RICTOR: variants seen among roughly 807,000 people sequenced by gnomAD.
RICTOR encodes the protein rapamycin-insensitive companion of mTOR.
In RICTOR, 49 loss-of-function variants were observed where a neutral mutation model predicts 214.9. That is an observed-to-expected ratio of 0.23 (90% CI 0.18 to 0.29). RICTOR has a LOEUF of 0.29. Among genes scored for constraint, RICTOR ranks in the 10% least tolerant of loss-of-function variants. RICTOR has a pLI of 1.00. For synonymous variants in RICTOR, 717 were observed against 711.3 expected (o/e 1.01, Z -0.13); for missense variants, 1,625 against 2,047.0 (o/e 0.79, Z 3.98).
At chr5:38,969,073 A>C (rs1209137427) in intron 11 of RICTOR, among the ~76,000 whole-genome samples, 1 of 147,646 alleles carries the variant, frequency 6.8e-6, no homozygotes, top group Non-Finnish European at 1.5e-5. Flanking sequence ...GGGTTCAAGC[A>C]ATTCTCCTGC....
At chr5:39,064,739 C>T (rs1758780744) in intron 2 of RICTOR, among the ~76,000 whole-genome samples, 1 of 152,172 alleles carries the variant, frequency 6.6e-6, no homozygotes, top group African/African-American at 2.4e-5. Flanking sequence ...TGAAATACCA[C>T]CACTCCTACA....
At chr5:38,986,569 T>C (rs1320502797) in intron 7 of RICTOR, among the ~76,000 whole-genome samples, 6 of 152,224 alleles carry the variant, frequency 3.9e-5, no homozygotes, top group Admixed American at 2.6e-4. Context: ...TCCACTTCCC[T>C]ACCAGAAATG....
At chr5:39,035,325 T>C (rs1269950926) in intron 2 of RICTOR, among the ~76,000 whole-genome samples, 1 of 152,030 alleles carries the variant, frequency 6.6e-6, no homozygotes, top group Non-Finnish European at 1.5e-5. Context: ...CATCTGTACG[T>C]CACCATCATC....
intron 31 of RICTOR, 39 bp downstream of exon 31, chr5:38,949,673 C>T (rs2112843834): frequency 6.5e-7 from 1 of 1,535,818 alleles, no homozygotes; most frequent in Non-Finnish European, 8.9e-7. Flanking sequence ...TGTTAAAATG[C>T]AACCATTATT....
chr5:38,961,246 T>C (rs1301080728), intron 19 of RICTOR, among the ~76,000 whole-genome samples: 2 of 152,128 alleles, frequency 1.3e-5, no homozygotes, highest in African/African-American at 4.8e-5. Flanking sequence ...AGATTTAACA[T>C]AGCTAGAATA....
chr5:38,997,024 T>A (rs546512270), intron 5 of RICTOR, 142 bp from the exon 6 acceptor site: 1 of 618,758 alleles, frequency 1.6e-6, no homozygotes, highest in Non-Finnish European at 2.9e-6. Context: ...AGTACCAGCA[T>A]ATATTTATTT....
intron 2 of RICTOR, among the ~76,000 whole-genome samples, chr5:39,043,830 C>A (rs1488665625): frequency 6.6e-6 from 1 of 152,118 alleles, no homozygotes; most frequent in African/African-American, 2.4e-5. Flanking sequence ...CCTGAGCTAG[C>A]ACATTAGCAC....
At chr5:39,013,617 C>T (rs1364835699) in intron 3 of RICTOR, among the ~76,000 whole-genome samples, 2 of 151,968 alleles carry the variant, frequency 1.3e-5, no homozygotes, top group Non-Finnish European at 2.9e-5. Context: ...TGTAAATAAG[C>T]AAAAGAAACA....
intron 25 of RICTOR, 86 bp downstream of exon 25, chr5:38,957,566 A>AT (rs1444490695): frequency 1.3e-6 from 1 of 761,928 alleles, no homozygotes; most frequent in African/African-American, 1.8e-5. Flanking sequence ...CAAAACACTG[A>AT]TATAAAAAAA....
At chr5:38,996,691 T>C in intron 6 of RICTOR, 128 bp downstream of exon 6, 1 of 551,142 alleles carries the variant, frequency 1.8e-6, no homozygotes, top group Non-Finnish European at 3.2e-6. Flanking sequence ...TATAAAACTT[T>C]AATAAAAATG....
chr5:39,009,703 AT>A (rs893278570), intron 3 of RICTOR, among the ~76,000 whole-genome samples: 4 of 152,042 alleles, frequency 2.6e-5, no homozygotes, highest in Admixed American at 2.6e-4. Flanking sequence ...AACCTTTTGA[AT>A]TAGAATTATC....
At chr5:39,058,103 C>T (rs1413848377) in intron 2 of RICTOR, among the ~76,000 whole-genome samples, 1 of 151,828 alleles carries the variant, frequency 6.6e-6, no homozygotes, top group Non-Finnish European at 1.5e-5. Flanking sequence ...TTAAATTTCT[C>T]GGAGACAAGC....
intron 37 of RICTOR, 29 bp downstream of exon 37, chr5:38,942,804 T>A: frequency 2.0e-6 from 3 of 1,514,468 alleles, no homozygotes; most frequent in Non-Finnish European, 2.8e-6. Context: ...TCTTGGAAGA[T>A]AAATTTGAGA....
chr5:38,992,691 T>G (rs1752876173), intron 6 of RICTOR, among the ~76,000 whole-genome samples: 1 of 152,208 alleles, frequency 6.6e-6, no homozygotes, highest in African/African-American at 2.4e-5. Context: ...ATAAAATCAC[T>G]CTTCTTATTT....
At chr5:39,026,219 T>C (rs574704616) in intron 2 of RICTOR, among the ~76,000 whole-genome samples, 1 of 152,304 alleles carries the variant, frequency 6.6e-6, no homozygotes, top group South Asian at 2.1e-4. Flanking sequence ...TGCTCACACC[T>C]GTAGTCCCAT....
chr5:38,993,971 A>G (rs1752971580), intron 6 of RICTOR, among the ~76,000 whole-genome samples: 1 of 152,176 alleles, frequency 6.6e-6, no homozygotes, highest in South Asian at 2.1e-4. Flanking sequence ...TCACGAACTC[A>G]GGAGATCAAG....
At chr5:39,051,582 T>C (rs1371681353) in intron 2 of RICTOR, among the ~76,000 whole-genome samples, 1 of 152,022 alleles carries the variant, frequency 6.6e-6, no homozygotes, top group African/African-American at 2.4e-5. Flanking sequence ...ACCCCATCTT[T>C]ACTAAAAATA....
At chr5:38,967,471 G>T (rs745735348) in intron 12 of RICTOR, 44 bp from the exon 13 acceptor site, 2 of 1,380,522 alleles carry the variant, frequency 1.4e-6, no homozygotes, top group Non-Finnish European at 2.0e-6. Context: ...AGATATCACT[G>T]AAACATTTCA....
chr5:38,954,273 A>G (rs1055875522), intron 27 of RICTOR, among the ~76,000 whole-genome samples: 1 of 151,954 alleles, frequency 6.6e-6, no homozygotes, highest in East Asian at 1.9e-4. Context: ...TGCGGTGTAC[A>G]TATTATAACT....
Sources: allele counts gnomAD v4.1 joint callset (sites outside exome capture counted in the v4.1 genomes callset), GRCh38; gene constraint gnomAD v4.1.1; transcripts MANE v1.5; gene names NCBI Gene and HGNC (gene_info 2026-07-23, HGNC 2026-07-21).